The following TRIOBP variants were observed in gnomAD, a reference collection of about 807,000 sequenced individuals.
TRIOBP encodes TRIO and F-actin-binding protein.
TRIOBP carries 169 observed loss-of-function variants against 238.8 expected under a neutral mutation model. The ratio of observed to expected loss-of-function variants is 0.71; its 90% CI spans 0.62 to 0.80. The LOEUF (loss-of-function observed/expected upper bound fraction) is 0.80, where lower values mean the gene tolerates loss of function less well. TRIOBP is among the 30% of genes least tolerant of loss of function. TRIOBP has a pLI of 0.00. For missense variants in TRIOBP, 2,838 were observed against 3,122.6 expected, an observed-to-expected ratio of 0.91 and a Z score of 2.17; for synonymous variants, 1,150 against 1,274.4, an observed-to-expected ratio of 0.90 and a Z score of 2.08.
Position 37,725,926 on chromosome 22 carries a change from T to G in TRIOBP, c.3370T>G (p.Ser1124Ala), listed in dbSNP as rs769370929. The change falls in exon 7 of 24, where the codon TCC (serine) becomes GCC (alanine). Residue 1124 changes from serine (S) to alanine (A), a missense_variant. Physicochemically the swap from Ser to Ala is moderately conservative, Grantham distance 99 (BLOSUM62 1). Coordinates refer to ENST00000644935, the MANE Select transcript of TRIOBP (RefSeq NM_001039141.3). ...GTACCGAGATGCACCCCGGGCCTCC[T>G]CCCCACCACGCCAGGCCCCAGAGCC... is the stretch of plus-strand genomic sequence containing the variant. Reference protein sequence around the residue: ...IGYRDAPRASSPPRQAPEPSL... With the variant: ...IGYRDAPRASAPPRQAPEPSL... 2 of 1,613,134 alleles carry G rather than the reference T, an allele frequency of 1.2e-6. No individual in the cohort carries two copies. Among genetic ancestry groups the G allele is most frequent in the South Asian group, 2.2e-5 (2 of 91,036 alleles).
Position 37,723,707 on chromosome 22 carries a change from A to C in TRIOBP, c.1151A>C (p.Gln384Pro). The part of the protein sequence containing the change: ...QRENPRTPCV[Q>P]QDDPRASSPN... ...GAAAACCCCAGGACACCCTGTGTCC[A>C]GCAGGACGATCCCAGAGCCTCCTCT... The change falls in exon 7 of 24, where the codon CAG (glutamine) becomes CCG (proline). Residue 384 changes from glutamine (Q) to proline (P), a missense_variant. By Grantham distance (76) the Gln-to-Pro change is moderately conservative (BLOSUM62 -1). Transcript: ENST00000644935. The C allele has an allele frequency of 6.2e-7, 1 of 1,612,174 alleles. No individual in the cohort carries two copies. Among genetic ancestry groups the C allele is most frequent in the Non-Finnish European group, 8.5e-7 (1 of 1,178,914 alleles).
chr22:37,723,574 C>T lies in TRIOBP; in HGVS notation c.1018C>T (p.Pro340Ser). 1 of 1,614,098 alleles carries T rather than the reference C, an allele frequency of 6.2e-7. No homozygotes were observed. The highest frequency in any genetic ancestry group is 1.3e-5 in the African/African-American group (1 of 74,992). The change falls in exon 7 of 24, where the codon CCC (proline) becomes TCC (serine). Residue 340 changes from proline to serine, a missense_variant. Pro to Ser is a moderately conservative substitution (Grantham distance 74). Coordinates refer to ENST00000644935, the MANE Select transcript of TRIOBP (RefSeq NM_001039141.3). ...PRASSTQWNT[P>S]RASSPSRSTQ... ...GGCCTCATCTACACAGTGGAACACC[C>T]CCAGAGCTTCCTCTCCCTCACGAAG...
chr22:37,742,265 T>G (rs949686655), intron 11 of TRIOBP, among the ~76,000 whole-genome samples: 2 of 143,626 alleles, frequency 1.4e-5, no homozygotes, highest in African/African-American at 2.6e-5. Flanking sequence ...GCGTTTTTTT[T>G]TTTTTTTTTT....
At position 37,776,455 on chromosome 22, in the gene TRIOBP, C is replaced by T. The variant is rs1343218990; in HGVS notation, c.*2675C>T. On this transcript the variant is annotated 3_prime_UTR_variant, in exon 24 of 24. Coordinates refer to ENST00000644935, the MANE Select transcript of TRIOBP (RefSeq NM_001039141.3). ...GCTTACACATCCAGGAGAAATGAGT[C>T]CTTACATGCACAAAAGGATGAGTAC... 6.6e-6 allele frequency: 1 copy of T among 152,178 alleles called. No individual in the cohort carries two copies. The highest frequency in any genetic ancestry group is 1.5e-5 in the Non-Finnish European group (1 of 68,038). The allele number at this position is 152,178 out of a possible 1,614,324, so 9.4% of individuals were successfully genotyped here.
At chr22:37,743,801 A>ATATGTGTGTG (rs1925059301) in intron 11 of TRIOBP, among the ~76,000 whole-genome samples, 2 of 114,180 alleles carry the variant, frequency 1.8e-5, no homozygotes, top group African/African-American at 3.3e-5. Context: ...GAGAGAGAGA[A>ATATGTGTGTG]TGTGTGTGTG....
At chr22:37,698,286 A>C (rs1305345732) in intron 2 of TRIOBP, among the ~76,000 whole-genome samples, 1 of 148,370 alleles carries the variant, frequency 6.7e-6, no homozygotes, top group Admixed American at 6.7e-5. Flanking sequence ...ACTTTGAGGG[A>C]AGGAGGAGGA....
chr22:37,759,781 C>T (rs541570046), intron 17 of TRIOBP: 4 of 1,373,110 alleles, frequency 2.9e-6, no homozygotes, highest in African/African-American at 1.5e-5. Context: ...TTTTGTCCCC[C>T]TTGGGGACAT....
chr22:37,739,438 C>A (rs1601642845), intron 10 of TRIOBP, among the ~76,000 whole-genome samples: 1 of 226 alleles, frequency 4.4e-3, no homozygotes, highest in East Asian at 0.5. Context: ...CAGCATAGCG[C>A]CCCCCAAGTA....
chr22:37,717,510 C>G (rs11914275), intron 6 of TRIOBP, among the ~76,000 whole-genome samples: 22,654 of 152,078 alleles, frequency 0.15, 3,726 homozygotes, highest in African/African-American at 0.41. Context: ...TTTACAATCC[C>G]TGAGCTTGAC....
At chr22:37,759,338 AT>A in intron 17 of TRIOBP, 74 bp downstream of exon 17, 1 of 1,485,200 alleles carries the variant, frequency 6.7e-7, no homozygotes, top group Non-Finnish European at 9.4e-7. Context: ...AACAGCTGAG[AT>A]TTTGGGAGCC....
At chr22:37,716,743 T>G (rs930151645) in intron 6 of TRIOBP, among the ~76,000 whole-genome samples, 1 of 152,070 alleles carries the variant, frequency 6.6e-6, no homozygotes, top group Non-Finnish European at 1.5e-5. Context: ...CCACCGAAGG[T>G]TTTTGAGGAG....
Position 37,725,595 on chromosome 22 carries a change from A to G in TRIOBP, c.3039A>G (p.Pro1013=), listed in dbSNP as rs949236748. The stretch of plus-strand genomic sequence containing the variant: ...CCTCTCCTGAGCCCTCCCAGCCTCC[A>G]TGTGCTGTGTGCATTGGGCACCGGG... ...PLTSPEPSQP[P]CAVCIGHRDA... The change falls in exon 7 of 24, where the codon CCA becomes CCG. Residue 1013 remains proline, a synonymous_variant. Coordinates refer to ENST00000644935, the MANE Select transcript of TRIOBP (RefSeq NM_001039141.3). 1.2e-6 allele frequency: 2 copies of G among 1,613,468 alleles called. No individual in the cohort carries two copies. The highest frequency in any genetic ancestry group is 1.7e-6 in the Non-Finnish European group (2 of 1,179,914).
In TRIOBP at chr22:37,762,834, G is replaced by C. The variant is rs1207060084; in HGVS notation, c.6325-2836G>C. ...AGCTGGTATCTCGGGCTGAGTGGGT[G>C]CCCTTCCTTCAGGGGTTGGGGGCTT... On this transcript the variant is annotated intron_variant, in intron 17 of 23. Transcript: ENST00000644935. Among the ~76,000 whole-genome samples, 7 of 152,170 alleles carry C rather than the reference G, an allele frequency of 4.6e-5. No individual in the cohort carries two copies. In the East Asian group the frequency reaches 1.2e-3, roughly 25 times the overall value.
At chr22:37,732,294 T>C (rs1217919079) in intron 7 of TRIOBP, among the ~76,000 whole-genome samples, 1 of 152,126 alleles carries the variant, frequency 6.6e-6, no homozygotes, top group Non-Finnish European at 1.5e-5. Flanking sequence ...TTACACAAGT[T>C]AGAGATGATC....
intron 2 of TRIOBP, among the ~76,000 whole-genome samples, chr22:37,698,354 CTT>C (rs1175913171): frequency 2.6e-4 from 15 of 57,928 alleles, no homozygotes; most frequent in Admixed American, 1.1e-3. Flanking sequence ...CTGCAAGAGC[CTT>C]TTTTTTTTTT....
chr22:37,772,288 G>A (rs1215715863), intron 22 of TRIOBP, among the ~76,000 whole-genome samples: 1 of 152,222 alleles, frequency 6.6e-6, no homozygotes, highest in Non-Finnish European at 1.5e-5. Context: ...CAGGTGGCGT[G>A]AACTCACAGG....
intron 14 of TRIOBP, 151 bp from the exon 15 acceptor site, chr22:37,755,399 A>G (rs1925862483): frequency 2.2e-6 from 2 of 915,652 alleles, no homozygotes; most frequent in Non-Finnish European, 3.5e-6. Flanking sequence ...TCCCAGGCCA[A>G]TGGAAGGGAG....
chr22:37,757,667 C>A lies in TRIOBP; in HGVS notation c.5742C>A (p.Gly1914=), dbSNP rs761315401. 1.9e-6 allele frequency: 3 copies of A among 1,590,358 alleles called. No homozygotes were observed. Among genetic ancestry groups the A allele is most frequent in the Non-Finnish European group, 2.6e-6 (3 of 1,169,922 alleles). Residue 1914 remains glycine (G), a synonymous_variant, in exon 16 of 24, where the codon GGC becomes GGA. Coordinates refer to ENST00000644935, the MANE Select transcript of TRIOBP (RefSeq NM_001039141.3). ...TGCACAGCTACAGCACCCAGAAGGG[C>A]CCCCTGAAGGCAGGGGAGCAGCGGG... The part of the protein sequence containing the change: ...NALHSYSTQK[G]PLKAGEQRAG...
In TRIOBP at chr22:37,715,912, T is replaced by C; in HGVS notation, c.606T>C (p.Asp202=). The change falls in exon 6 of 24, where the codon GAT becomes GAC. Residue 202 remains aspartate, a synonymous_variant. Coordinates refer to ENST00000644935, the MANE Select transcript of TRIOBP (RefSeq NM_001039141.3). Reference sequence around the variant, plus strand: ...TCACCAGGTCCCCTGTGGGAGGAGATGCTGCAGGCCAGAAAAAGGAGGGTG... The same window carrying C: ...TCACCAGGTCCCCTGTGGGAGGAGACGCTGCAGGCCAGAAAAAGGAGGGTG... ...SLLTRSPVGG[D]AAGQKKEDTG... 1 of 1,612,922 alleles carries C rather than the reference T, an allele frequency of 6.2e-7. No individual in the cohort carries two copies. The highest frequency in any genetic ancestry group is 8.5e-7 in the Non-Finnish European group (1 of 1,179,826).
Sources: gnomAD v4.1 joint callset for allele counts (sites outside exome capture counted in the v4.1 genomes callset) on GRCh38, gnomAD v4.1.1 for gene constraint, MANE v1.5 for transcripts, NCBI Gene and HGNC (gene_info 2026-07-23, HGNC 2026-07-21) for gene names.